Variants in KCNH7 observed in about 807,000 individuals in gnomAD.
KCNH7 encodes potassium voltage-gated channel subfamily H member 7, also known as voltage-gated inwardly rectifying potassium channel KCNH7.
In KCNH7, 49 loss-of-function variants were observed where a neutral mutation model predicts 120.8. The ratio of observed to expected loss-of-function variants is 0.41; its 90% CI spans 0.32 to 0.51. The LOEUF (loss-of-function observed/expected upper bound fraction) is 0.51. Ranked by LOEUF, KCNH7 falls within the 20% of genes least tolerant of loss-of-function variation. The probability of loss-of-function intolerance (pLI) is 0.38; values close to 1 mark genes in which losing one functional copy is unlikely to be tolerated. For synonymous variants in KCNH7, 547 were observed against 516.1 expected (o/e 1.06, Z -0.81); for missense variants, 1,097 against 1,446.6 (o/e 0.76, Z 3.92).
chr2:162,613,042 T>C (rs1456456451), intron 2 of KCNH7, among the ~76,000 whole-genome samples: 1 of 151,926 alleles, frequency 6.6e-6, no homozygotes, highest in East Asian at 1.9e-4. Context: ...AAATATTCTA[T>C]ATAATGACAG....
Position 162,423,324 on chromosome 2 carries a change from A to G in KCNH7, c.2154+12T>C, listed in dbSNP as rs199607401. 3 of 1,614,034 alleles carry G rather than the reference A, an allele frequency of 1.9e-6. No individual in the cohort carries two copies. In the Admixed American group the frequency reaches 5.0e-5, roughly 27 times the overall value. On this transcript the variant is annotated intron_variant, in intron 9 of 15. Coordinates refer to ENST00000332142, the MANE Select transcript of KCNH7 (RefSeq NM_033272.4). ...CTGCGGCACTTTCATTTTGGAAAAC[A>G]GACATACATACCATGTTCATGTCAA...
chr2:162,615,779 A>T (rs939042437), intron 2 of KCNH7, among the ~76,000 whole-genome samples: 1 of 152,086 alleles, frequency 6.6e-6, no homozygotes, highest in Non-Finnish European at 1.5e-5. Flanking sequence ...GATCAGCAAA[A>T]TGTCCTAGCT....
chr2:162,685,543 A>G (rs1685859700), intron 2 of KCNH7, among the ~76,000 whole-genome samples: 1 of 152,048 alleles, frequency 6.6e-6, no homozygotes, highest in Admixed American at 6.6e-5. Context: ...ATTATTGGCA[A>G]TGGCTCTATG....
intron 2 of KCNH7, among the ~76,000 whole-genome samples, chr2:162,578,367 A>G (rs1693757578): frequency 6.6e-6 from 1 of 152,030 alleles, no homozygotes; most frequent in Admixed American, 6.6e-5. Context: ...CCACATATAT[A>G]ATGTCAGTCC....
chr2:162,640,547 C>G (rs1378473322), intron 2 of KCNH7, among the ~76,000 whole-genome samples: 1 of 151,592 alleles, frequency 6.6e-6, no homozygotes, highest in East Asian at 1.9e-4. Flanking sequence ...TGTGCAAAAA[C>G]TAACTCAAAA....
intron 2 of KCNH7, among the ~76,000 whole-genome samples, chr2:162,590,013 T>C (rs77327231): frequency 0.044 from 6,630 of 150,430 alleles, 295 homozygotes; most frequent in East Asian, 0.11. Flanking sequence ...ATATGGAAAA[T>C]TAGATTATTT....
chr2:162,528,616 A>ATTG (rs1691798022), intron 3 of KCNH7, among the ~76,000 whole-genome samples: 2 of 151,986 alleles, frequency 1.3e-5, no homozygotes, highest in African/African-American at 4.8e-5. Context: ...ATCAGAAGCT[A>ATTG]TATCATGATA....
At chr2:162,386,355 T>C (rs1426740456) in intron 12 of KCNH7, among the ~76,000 whole-genome samples, 4 of 151,928 alleles carry the variant, frequency 2.6e-5, no homozygotes, top group Non-Finnish European at 5.9e-5. Flanking sequence ...TTCCCTTCTC[T>C]AAAGCCCTCT....
intron 2 of KCNH7, among the ~76,000 whole-genome samples, chr2:162,602,867 G>C (rs945893404): frequency 1.3e-5 from 2 of 151,388 alleles, no homozygotes; most frequent in South Asian, 4.2e-4. Flanking sequence ...GATTGAGTCA[G>C]TCTTTCAGAA....
At chr2:162,579,012 G>A (rs781169834) in intron 2 of KCNH7, among the ~76,000 whole-genome samples, 2 of 151,650 alleles carry the variant, frequency 1.3e-5, no homozygotes, top group African/African-American at 4.8e-5. Flanking sequence ...GGACTGATTG[G>A]ATCATAAAAT....
intron 2 of KCNH7, among the ~76,000 whole-genome samples, chr2:162,741,236 A>G: frequency 6.7e-6 from 1 of 149,486 alleles, no homozygotes; most frequent in East Asian, 2.0e-4. Context: ...TATACATATT[A>G]ATAACATATG....
intron 2 of KCNH7, among the ~76,000 whole-genome samples, chr2:162,606,222 G>T (rs1682761272): frequency 2.0e-5 from 3 of 151,444 alleles, no homozygotes. Flanking sequence ...CAGAATTTTT[G>T]TCTGCTACTG....
chr2:162,411,773 T>A (rs959690106), intron 9 of KCNH7, among the ~76,000 whole-genome samples: 2 of 151,678 alleles, frequency 1.3e-5, no homozygotes, highest in Non-Finnish European at 2.9e-5. Context: ...TTTAATTAAA[T>A]TTTTAAAATT....
intron 4 of KCNH7, among the ~76,000 whole-genome samples, chr2:162,515,691 G>A (rs1187272508): frequency 2.0e-5 from 3 of 151,672 alleles, no homozygotes; most frequent in East Asian, 2.0e-4. Flanking sequence ...AAATTCTAGC[G>A]GTTTCATTCT....
chr2:162,539,574 T>G (rs1211408095), intron 2 of KCNH7, among the ~76,000 whole-genome samples: 2 of 152,014 alleles, frequency 1.3e-5, no homozygotes, highest in African/African-American at 4.8e-5. Flanking sequence ...ATTTTCTGAT[T>G]TAGTAATTTA....
chr2:162,571,156 C>G (rs965409316), intron 2 of KCNH7, among the ~76,000 whole-genome samples: 6 of 151,920 alleles, frequency 3.9e-5, no homozygotes, highest in African/African-American at 1.2e-4. Flanking sequence ...CCCATTGTCT[C>G]AGCCCAAAAT....
At chr2:162,703,288 A>G (rs1008827541) in intron 2 of KCNH7, among the ~76,000 whole-genome samples, 29 of 152,104 alleles carry the variant, frequency 1.9e-4, no homozygotes, top group African/African-American at 6.8e-4. Flanking sequence ...CTTAAGCAAT[A>G]TATCTAAGGT....
At chr2:162,770,704 T>C (rs305688) in intron 2 of KCNH7, among the ~76,000 whole-genome samples, 58,133 of 151,902 alleles carry the variant, frequency 0.38, 11,659 homozygotes, top group African/African-American at 0.5. Context: ...ATTTTCACCT[T>C]TTCTCTTCCT....
At chr2:162,607,293 G>C (rs918945760) in intron 2 of KCNH7, among the ~76,000 whole-genome samples, 2 of 151,736 alleles carry the variant, frequency 1.3e-5, no homozygotes, top group Non-Finnish European at 2.9e-5. Flanking sequence ...GGGAGGCTGA[G>C]GCAGGAGAAT....
Sources: gnomAD v4.1 joint callset for allele counts (sites outside exome capture counted in the v4.1 genomes callset) on GRCh38, gnomAD v4.1.1 for gene constraint, MANE v1.5 for transcripts, NCBI Gene and HGNC (gene_info 2026-07-23, HGNC 2026-07-21) for gene names.